The following IQCB1 variants were observed in gnomAD, a reference collection of about 807,000 sequenced individuals.
IQCB1 encodes IQ calmodulin-binding motif-containing protein 1.
A neutral mutation model predicts 84.4 loss-of-function variants in IQCB1; 56 were observed. The ratio of observed to expected loss-of-function variants is 0.66; its 90% CI spans 0.54 to 0.83. IQCB1 has a LOEUF of 0.83. Among genes scored for constraint, IQCB1 ranks in the 40% least tolerant of loss-of-function variants. The pLI, the probability that IQCB1 is intolerant of heterozygous loss-of-function variation, is 0.00. For missense variants in IQCB1, 629 were observed against 682.1 expected, an observed-to-expected ratio of 0.92 and a Z score of 0.87; for synonymous variants, 210 against 234.8, an observed-to-expected ratio of 0.89 and a Z score of 0.96.
At chr3:121,821,144 C>A (rs6784571) in intron 5 of IQCB1, among the ~76,000 whole-genome samples, 1 of 151,924 alleles carries the variant, frequency 6.6e-6, no homozygotes, top group Non-Finnish European at 1.5e-5. Flanking sequence ...GCATGTGCAA[C>A]CACACTTGGC....
intron 8 of IQCB1, among the ~76,000 whole-genome samples, chr3:121,797,979 T>C (rs578159964): frequency 2.0e-5 from 3 of 152,116 alleles, no homozygotes; most frequent in South Asian, 4.1e-4. Context: ...ACCCAAGTTC[T>C]CAGCAGTATT....
intron 5 of IQCB1, among the ~76,000 whole-genome samples, chr3:121,822,251 C>G (rs1461412708): frequency 2.0e-5 from 3 of 152,226 alleles, no homozygotes; most frequent in Non-Finnish European, 4.4e-5. Flanking sequence ...TCCTTATAAT[C>G]AAGCACTTTC....
At chr3:121,828,662 T>G in intron 3 of IQCB1, 30 bp from the exon 4 acceptor site, 1 of 1,503,954 alleles carries the variant, frequency 6.6e-7, no homozygotes, top group African/African-American at 1.4e-5. Flanking sequence ...GATATATTTA[T>G]TTTTGCTTAA....
At chr3:121,832,381 G>T (rs954910403) in intron 2 of IQCB1, among the ~76,000 whole-genome samples, 1 of 146,596 alleles carries the variant, frequency 6.8e-6, no homozygotes, top group African/African-American at 2.5e-5. Context: ...TGGCTGCAGT[G>T]CAGTGGTGCA....
Position 121,788,417 on chromosome 3 carries a change from T to C in IQCB1, c.1145A>G (p.His382Arg), listed in dbSNP as rs1948823357. Reference sequence around the variant, plus strand: ...TGATTTCTCTTCCATTTCCCGATAGTGTTTCTCCACCTGACCTAAAAAGAT... The same window carrying C: ...TGATTTCTCTTCCATTTCCCGATAGCGTTTCTCCACCTGACCTAAAAAGAT... ...EIVHPGQVEK[H>R]YREMEEKSAL... is the part of the protein sequence containing the mutation. Residue 382 changes from histidine to arginine, a missense_variant, in exon 12 of 15, where the codon CAC becomes CGC. Coordinates refer to ENST00000310864, the MANE Select transcript of IQCB1 (RefSeq NM_001023570.4). The C allele has an allele frequency of 6.2e-7, 1 of 1,613,782 alleles. No individual in the cohort carries two copies. Among genetic ancestry groups the C allele is most frequent in the Non-Finnish European group, 8.5e-7 (1 of 1,179,762 alleles).
At chr3:121,828,662 T>C in intron 3 of IQCB1, 30 bp from the exon 4 acceptor site, 5 of 1,503,954 alleles carry the variant, frequency 3.3e-6, no homozygotes, top group Non-Finnish European at 3.7e-6. Context: ...GATATATTTA[T>C]TTTTGCTTAA....
chr3:121,818,450 T>A (rs1950154347), intron 5 of IQCB1, among the ~76,000 whole-genome samples: 1 of 152,178 alleles, frequency 6.6e-6, no homozygotes, highest in Non-Finnish European at 1.5e-5. Context: ...GCTAAGAAAC[T>A]GTCTTCAAAC....
At chr3:121,801,725 T>A (rs1165918813) in intron 7 of IQCB1, among the ~76,000 whole-genome samples, 3 of 151,622 alleles carry the variant, frequency 2.0e-5, no homozygotes, top group African/African-American at 7.3e-5. Flanking sequence ...TCCTCCCTTG[T>A]TGCCTTCCCT....
chr3:121,803,328 G>A (rs1356589551), intron 7 of IQCB1, among the ~76,000 whole-genome samples: 1 of 152,170 alleles, frequency 6.6e-6, no homozygotes, highest in Non-Finnish European at 1.5e-5. Flanking sequence ...TGAGATTACA[G>A]GTGTGAGCCA....
rs574652761 is a variant in IQCB1, at chr3:121,772,407, T to C, written c.1567+150A>G. ...ATAAAATCCGCATCATTTGAAAACA[T>C]TGTGTGCTGGTCTGATCTATGTAGA... On this transcript the variant is annotated intron_variant, in intron 14 of 14. Transcript: ENST00000310864. 1.3e-4 allele frequency: 96 copies of C among 743,792 alleles called. 1 individual carries two copies. The highest frequency in any genetic ancestry group is 4.1e-4 in the South Asian group (28 of 67,888). The allele number at this position is 743,792 out of a possible 1,614,324, so 46.1% of individuals were successfully genotyped here.
rs770687740 is a variant in IQCB1 at position 121,807,462 on chromosome 3, AAAG to A, written c.488-22_488-20del. ...TGTAGTACTAAAGGAAAAGAAAAAA[AAAG>A]AAAGATTAAAGTAAAGATTTTATGA... On this transcript the variant is annotated intron_variant, in intron 6 of 14. Coordinates refer to ENST00000310864, the MANE Select transcript of IQCB1 (RefSeq NM_001023570.4). 8.3e-7 allele frequency: 1 copy of A among 1,198,114 alleles called. No individual in the cohort carries two copies. The highest frequency in any genetic ancestry group is 1.2e-6 in the Non-Finnish European group (1 of 804,170). The allele number at this position is 1,198,114 out of a possible 1,614,324, so 74.2% of individuals were successfully genotyped here.
intron 12 of IQCB1, 104 bp from the exon 13 acceptor site, chr3:121,781,978 C>T: frequency 8.6e-7 from 1 of 1,160,148 alleles, no homozygotes; most frequent in Non-Finnish European, 1.3e-6. Flanking sequence ...TAATGATTAA[C>T]TCTGAGTGTG....
At chr3:121,781,582 C>T (rs1288748186) in intron 13 of IQCB1, among the ~76,000 whole-genome samples, 161 bp downstream of exon 13, 1 of 151,430 alleles carries the variant, frequency 6.6e-6, no homozygotes, top group Non-Finnish European at 1.5e-5. Context: ...AAAGATATAC[C>T]ATTACTTCTA....
chr3:121,785,732 T>C (rs1948680582), intron 12 of IQCB1, among the ~76,000 whole-genome samples: 1 of 152,252 alleles, frequency 6.6e-6, no homozygotes, highest in South Asian at 2.1e-4. Context: ...TTTTTCATGC[T>C]ACATTTTCAA....
intron 5 of IQCB1, among the ~76,000 whole-genome samples, chr3:121,815,074 G>C (rs1025510392): frequency 2.6e-5 from 4 of 152,120 alleles, no homozygotes. Context: ...GATTAAGTCG[G>C]CTTCATCACT....
At chr3:121,781,161 G>A (rs1325848777) in intron 13 of IQCB1, among the ~76,000 whole-genome samples, 2 of 152,182 alleles carry the variant, frequency 1.3e-5, no homozygotes, top group East Asian at 1.9e-4. Flanking sequence ...GGCAGAAAGG[G>A]AAATGACCTT....
intron 12 of IQCB1, among the ~76,000 whole-genome samples, chr3:121,787,749 CAAAA>C (rs61374218): frequency 8.1e-6 from 1 of 124,062 alleles, no homozygotes. Context: ...GAATCCGTCT[CAAAA>C]AAAAAAAAAA....
chr3:121,804,168 C>T (rs1388624299), intron 7 of IQCB1, among the ~76,000 whole-genome samples: 1 of 152,080 alleles, frequency 6.6e-6, no homozygotes, highest in South Asian at 2.1e-4. Context: ...TATTATACCA[C>T]TTCATGTATA....
chr3:121,809,305 C>A (rs887749309), intron 5 of IQCB1, among the ~76,000 whole-genome samples: 1 of 151,910 alleles, frequency 6.6e-6, no homozygotes, highest in African/African-American at 2.4e-5. Context: ...ATCAGAATCA[C>A]CTGTTGAGCT....
Sources: allele counts gnomAD v4.1 joint callset (sites outside exome capture counted in the v4.1 genomes callset), GRCh38; gene constraint gnomAD v4.1.1; transcripts MANE v1.5; gene names NCBI Gene and HGNC (gene_info 2026-07-23, HGNC 2026-07-21).